Variants in ADA observed in about 807,000 individuals in gnomAD.
The protein encoded by ADA is adenosine deaminase, also known as adenosine aminohydrolase.
In ADA, 45 loss-of-function variants were observed where a neutral mutation model predicts 49.0. The ratio of observed to expected loss-of-function variants is 0.92; its 90% confidence interval spans 0.72 to 1.18. The LOEUF is 1.18. Among genes scored for constraint, ADA ranks in the 50% most tolerant of loss-of-function variants. ADA has a pLI of 0.00. For missense variants in ADA, 445 were observed against 472.5 expected (o/e 0.94, Z 0.54); for synonymous variants, 173 against 184.2 (o/e 0.94, Z 0.49).
In ADA at chr20:44,622,612, G is replaced by A. The variant is rs121908738; in HGVS notation, c.821C>T (p.Pro274Leu). The A allele has an allele frequency of 1.2e-5, 19 of 1,614,218 alleles. No individual in the cohort carries two copies. In the African/African-American group the frequency reaches 1.6e-4, roughly 14 times the overall value. The change falls in exon 9 of 12, where the codon CCG (proline) becomes CTG (leucine). Residue 274 changes from proline (P) to leucine (L), a missense_variant. Coordinates refer to ENST00000372874, the MANE Select transcript of ADA (RefSeq NM_000022.4). ...WSSYLTGAWK[P>L]DTEHAVIRLK... ...CCGAATGACTGCATGCTCCGTGTCCGGCTTCCAGGCACCAGTGAGGTAGCT... is the reference window on the plus strand; with the variant it reads ...CCGAATGACTGCATGCTCCGTGTCCAGCTTCCAGGCACCAGTGAGGTAGCT...
At chr20:44,636,369 C>A in intron 1 of ADA, 81 bp from the exon 2 acceptor site, 1 of 1,210,934 alleles carries the variant, frequency 8.3e-7, no homozygotes, top group Non-Finnish European at 1.2e-6. Flanking sequence ...CCTTTCAGAG[C>A]TTAATGTTAA....
At chr20:44,633,268 A>C (rs1300792831) in intron 2 of ADA, among the ~76,000 whole-genome samples, 1 of 152,204 alleles carries the variant, frequency 6.6e-6, no homozygotes, top group East Asian at 1.9e-4. Flanking sequence ...CAGAGGAAGA[A>C]ATGAAACTTT....
chr20:44,644,992 C>G (rs947962757), intron 1 of ADA, among the ~76,000 whole-genome samples: 6 of 152,320 alleles, frequency 3.9e-5, no homozygotes, highest in South Asian at 2.1e-4. Flanking sequence ...AAGTCTAATG[C>G]ATACCACAGC....
intron 1 of ADA, among the ~76,000 whole-genome samples, chr20:44,645,028 G>A (rs1363847400): frequency 2.0e-5 from 3 of 152,188 alleles, no homozygotes; most frequent in East Asian, 3.8e-4. Flanking sequence ...CTCTAAACCC[G>A]GAGGTCTAGC....
chr20:44,646,541 C>T (rs182163225), intron 1 of ADA, among the ~76,000 whole-genome samples: 44 of 151,026 alleles, frequency 2.9e-4, no homozygotes, highest in African/African-American at 1.1e-3. Flanking sequence ...AGGAAGGAAA[C>T]GCACCCCTGA....
intron 2 of ADA, among the ~76,000 whole-genome samples, chr20:44,629,436 GTGTA>G (rs926368786): frequency 3.9e-5 from 6 of 152,146 alleles, no homozygotes; most frequent in African/African-American, 1.2e-4. Context: ...GTGTGTGTGT[GTGTA>G]TGTGTGCACA....
intron 8 of ADA, 38 bp downstream of exon 8, chr20:44,622,791 G>A: frequency 6.2e-7 from 1 of 1,614,182 alleles, no homozygotes; most frequent in Non-Finnish European, 8.5e-7. Flanking sequence ...AGTTGGGACA[G>A]CCGGGGATGG....
intron 3 of ADA, among the ~76,000 whole-genome samples, 168 bp from the exon 4 acceptor site, chr20:44,626,767 C>G (rs2065386461): frequency 6.6e-6 from 1 of 152,170 alleles, no homozygotes; most frequent in Non-Finnish European, 1.5e-5. Context: ...GTCCTATCAG[C>G]TCTACTTTGG....
In ADA at chr20:44,626,465, T is replaced by G. The variant is rs1304346114; in HGVS notation, c.353A>C (p.Asn118Thr). The part of the protein sequence containing the change: ...ANSKVEPIPW[N>T]QAEGDLTPDE... Reference sequence around the variant, plus strand: ...CAGGCCCATCACTCACTCAGCCTGGTTCCAGGGGATTGGCTCCACTTTGGA... The same window carrying G: ...CAGGCCCATCACTCACTCAGCCTGGGTCCAGGGGATTGGCTCCACTTTGGA... Residue 118 changes from asparagine (N) to threonine (T), a missense_variant, in exon 4 of 12, where the codon AAC (asparagine) becomes ACC (threonine). By Grantham distance (65) the Asn-to-Thr change is moderately conservative. Coordinates refer to ENST00000372874, the MANE Select transcript of ADA (RefSeq NM_000022.4). The G allele has an allele frequency of 6.2e-7, 1 of 1,613,898 alleles. No homozygotes were observed. The highest frequency in any genetic ancestry group is 1.1e-5 in the South Asian group (1 of 91,068).
chr20:44,651,542 A>G (rs1369854574), intron 1 of ADA, 33 bp downstream of exon 1: 1 of 1,525,354 alleles, frequency 6.6e-7, no homozygotes, highest in South Asian at 1.2e-5. Context: ...CAGGCGCCGG[A>G]CCCCCGTCCC....
intron 9 of ADA, among the ~76,000 whole-genome samples, chr20:44,621,621 C>T (rs961941873): frequency 1.3e-5 from 2 of 152,202 alleles, no homozygotes; most frequent in Non-Finnish European, 2.9e-5. Context: ...CTAGCTCTGA[C>T]CATAATCGAC....
In ADA at chr20:44,629,158, A is replaced by G. The variant is rs770213537; in HGVS notation, c.107T>C (p.Ile36Thr). Residue 36 changes from isoleucine to threonine, a missense_variant, in exon 3 of 12, where the codon ATC becomes ACC. Ile to Thr is a moderately conservative substitution (Grantham distance 89). Transcript: ENST00000372874. ...TILYYGRRRG[I>T]ALPANTAEGL... Reference sequence around the variant, plus strand: ...CTCTGCTGTGTTAGCTGGGAGGGCGATCCCTCTCCTCCTGGAAACAAAACA... The same window carrying G: ...CTCTGCTGTGTTAGCTGGGAGGGCGGTCCCTCTCCTCCTGGAAACAAAACA... 6.2e-7 allele frequency: 1 copy of G among 1,614,056 alleles called. No individual in the cohort carries two copies. The highest frequency in any genetic ancestry group is 8.5e-7 in the Non-Finnish European group (1 of 1,180,022).
chr20:44,621,922 C>T (rs1184830925), intron 9 of ADA, among the ~76,000 whole-genome samples: 1 of 152,184 alleles, frequency 6.6e-6, no homozygotes, highest in African/African-American at 2.4e-5. Context: ...TAAGGCAAGC[C>T]CCAAGACCCC....
intron 1 of ADA, among the ~76,000 whole-genome samples, chr20:44,641,101 G>A (rs2065529049): frequency 6.6e-6 from 1 of 152,204 alleles, no homozygotes; most frequent in Non-Finnish European, 1.5e-5. Context: ...TCACAGGATG[G>A]AAGGGCAGAA....
intron 1 of ADA, among the ~76,000 whole-genome samples, chr20:44,645,531 A>C (rs1818099784): frequency 6.6e-6 from 1 of 152,122 alleles, no homozygotes; most frequent in South Asian, 2.1e-4. Flanking sequence ...CTGAGGCAGA[A>C]GAATCACTTG....
intron 1 of ADA, among the ~76,000 whole-genome samples, chr20:44,650,467 T>A (rs1038115316): frequency 6.6e-6 from 1 of 152,128 alleles, no homozygotes; most frequent in East Asian, 1.9e-4. Context: ...TCGCTCTGTC[T>A]CCCAGGCTGA....
intron 1 of ADA, among the ~76,000 whole-genome samples, chr20:44,648,501 A>C (rs2065613655): frequency 6.6e-6 from 1 of 152,064 alleles, no homozygotes; most frequent in Non-Finnish European, 1.5e-5. Context: ...GGTTAAATGA[A>C]GGTTACTAGG....
rs781605283 is a variant in ADA at position 44,622,655 on chromosome 20, G to GCTCTTCCA, written c.781-4_781-3insTGGAAGAG. 4 of 1,614,090 alleles carry GCTCTTCCA rather than the reference G, an allele frequency of 2.5e-6. No homozygotes were observed. In the African/African-American group the frequency reaches 5.3e-5, roughly 22 times the overall value. On this transcript the variant is annotated splice_region_variant and splice_polypyrimidine_tract_variant and intron_variant, in intron 8 of 11. Transcript: ENST00000372874. ...AGGTAGCTGGACCAGGGGCAGATCT[G>GCTCTTCCA]GAAGAGCAGGTGTGTGGCTGGCAGG...
intron 5 of ADA, 117 bp from the exon 6 acceptor site, chr20:44,624,446 AGT>A: frequency 7.2e-7 from 1 of 1,397,418 alleles, no homozygotes; most frequent in South Asian, 1.2e-5. Context: ...AACAGGGCTC[AGT>A]GTCTTCAAAT....
Sources: allele counts gnomAD v4.1 joint callset (sites outside exome capture counted in the v4.1 genomes callset), GRCh38; gene constraint gnomAD v4.1.1; transcripts MANE v1.5; gene names NCBI Gene and HGNC (gene_info 2026-07-23, HGNC 2026-07-21).